The following MAP7 variants were observed in gnomAD, a reference collection of about 807,000 sequenced individuals.
The protein encoded by MAP7 is ensconsin.
MAP7 carries 52 observed loss-of-function variants against 94.8 expected under a neutral mutation model. The ratio of observed to expected loss-of-function variants is 0.55; its 90% CI spans 0.44 to 0.69. The LOEUF (loss-of-function observed/expected upper bound fraction) is 0.69, where lower values mean the gene tolerates loss of function less well. MAP7 is among the 30% of genes least tolerant of loss of function. The pLI, the probability that MAP7 is intolerant of heterozygous loss-of-function variation, is 0.00. For synonymous variants in MAP7, 350 were observed against 357.0 expected (o/e 0.98, Z 0.22); for missense variants, 940 against 964.6 (o/e 0.97, Z 0.34).
intron 3 of MAP7, among the ~76,000 whole-genome samples, chr6:136,402,357 A>T (rs972645775): frequency 6.6e-6 from 1 of 152,238 alleles, no homozygotes; most frequent in Non-Finnish European, 1.5e-5. Context: ...AAGCATAGTG[A>T]TTCACACTGG....
At chr6:136,399,631 G>A (rs549882772) in intron 3 of MAP7, among the ~76,000 whole-genome samples, 23 of 152,226 alleles carry the variant, frequency 1.5e-4, no homozygotes, top group African/African-American at 5.3e-4. Context: ...TGGGATTATA[G>A]GCATGAGCCA....
At chr6:136,385,130 G>C (rs1028240783) in intron 5 of MAP7, among the ~76,000 whole-genome samples, 33 of 152,298 alleles carry the variant, frequency 2.2e-4, no homozygotes, top group African/African-American at 7.7e-4. Flanking sequence ...TTGGCAGTAA[G>C]AAAAAATTGC....
intron 1 of MAP7, among the ~76,000 whole-genome samples, chr6:136,543,429 A>G (rs1829485480): frequency 6.6e-6 from 1 of 152,152 alleles, no homozygotes. Context: ...CGGGTGGATC[A>G]CCTTTGGTCA....
Position 136,474,547 on chromosome 6 carries a change from G to A in MAP7, c.68-52748C>T, listed in dbSNP as rs546323181. Among the ~76,000 whole-genome samples, 8 of 152,284 alleles carry A rather than the reference G, an allele frequency of 5.3e-5. No individual in the cohort carries two copies. In the East Asian group the frequency reaches 1.3e-3, roughly 26 times the overall value. ...GTTGGCTGAGTACTACTACAACAGA[G>A]CGGCCTCAGCGCCAAACAAGTGTGA... On this transcript the variant is annotated intron_variant, in intron 1 of 17. Coordinates refer to ENST00000354570, the MANE Select transcript of MAP7 (RefSeq NM_003980.6).
At chr6:136,415,055 T>C (rs58681521) in intron 2 of MAP7, among the ~76,000 whole-genome samples, 4,683 of 152,124 alleles carry the variant, frequency 0.031, 162 homozygotes, top group African/African-American at 0.083. Flanking sequence ...AGATGATCCA[T>C]CAGCCTCCCA....
At chr6:136,425,441 C>T (rs1349771844) in intron 1 of MAP7, among the ~76,000 whole-genome samples, 1 of 151,976 alleles carries the variant, frequency 6.6e-6, no homozygotes, top group African/African-American at 2.4e-5. Context: ...CATGAAATAG[C>T]CTTTTATGTA....
chr6:136,416,961 TAAAAAA>T (rs991259706), intron 2 of MAP7, among the ~76,000 whole-genome samples: 1 of 151,208 alleles, frequency 6.6e-6, no homozygotes, highest in Non-Finnish European at 1.5e-5. Flanking sequence ...CCACCAAAAA[TAAAAAA>T]AATTAGCCAA....
intron 1 of MAP7, among the ~76,000 whole-genome samples, chr6:136,522,553 A>T (rs1348138206): frequency 6.6e-6 from 1 of 152,178 alleles, no homozygotes; most frequent in Non-Finnish European, 1.5e-5. Flanking sequence ...TCAAATTTAG[A>T]TGGCAAACTT....
intron 1 of MAP7, among the ~76,000 whole-genome samples, chr6:136,462,196 C>T (rs1419502612): frequency 1.3e-5 from 2 of 148,296 alleles, no homozygotes; most frequent in African/African-American, 4.9e-5. Context: ...AGATGGTATA[C>T]CAGTGGTTGC....
intron 1 of MAP7, among the ~76,000 whole-genome samples, chr6:136,496,329 T>A (rs138544220): frequency 7.2e-5 from 11 of 152,282 alleles, no homozygotes; most frequent in African/African-American, 2.6e-4. Flanking sequence ...TCCTCTCACA[T>A]CCCTCATTCC....
intron 1 of MAP7, among the ~76,000 whole-genome samples, chr6:136,485,422 C>A (rs1169700215): frequency 6.6e-6 from 1 of 152,122 alleles, no homozygotes; most frequent in Non-Finnish European, 1.5e-5. Flanking sequence ...GCAGTAAATT[C>A]TCTTTGTAAA....
At position 136,462,329 on chromosome 6, in the gene MAP7, T is replaced by C. The variant is rs550705324; in HGVS notation, c.68-40530A>G. Among the ~76,000 whole-genome samples, 13 of 152,326 alleles carry C rather than the reference T, an allele frequency of 8.5e-5. No individual in the cohort carries two copies. In the East Asian group the frequency reaches 2.3e-3, roughly 27 times the overall value. On this transcript the variant is annotated intron_variant, in intron 1 of 17. Coordinates refer to ENST00000354570, the MANE Select transcript of MAP7 (RefSeq NM_003980.6). ...TATCTTAGACTATAAATGGTAAATC[T>C]CAGAACTTGAGCATTTTTAGGTTGT...
At position 136,466,158 on chromosome 6, in the gene MAP7, AAAT is replaced by A. The variant is rs548743105; in HGVS notation, c.68-44362_68-44360del. Among the ~76,000 whole-genome samples the A allele has an allele frequency of 1.6e-4, 24 of 152,316 alleles. 1 individual carries two copies. The South Asian group carries it at 5.0e-3, about 32-fold the overall frequency. ...GGGGAAAGACATAACTGGGCAGCAC[AAAT>A]AATGTTTCTGATATAAAACAAAACA... On this transcript the variant is annotated intron_variant, in intron 1 of 17. Transcript: ENST00000354570.
intron 1 of MAP7, among the ~76,000 whole-genome samples, chr6:136,479,741 T>A (rs1269869558): frequency 6.6e-6 from 1 of 152,034 alleles, no homozygotes; most frequent in African/African-American, 2.4e-5. Flanking sequence ...AAGAAAGTAA[T>A]CCCATTTACA....
chr6:136,379,708 G>A (rs1777206681), intron 6 of MAP7, among the ~76,000 whole-genome samples: 1 of 152,216 alleles, frequency 6.6e-6, no homozygotes, highest in Non-Finnish European at 1.5e-5. Context: ...TCATGGAAAA[G>A]ATAAGTCTCC....
intron 10 of MAP7, chr6:136,364,187 T>C (rs1310335257): frequency 1.9e-6 from 1 of 513,384 alleles, no homozygotes; most frequent in Non-Finnish European, 3.9e-6. Context: ...TCATTCTGCA[T>C]GAGGGTGAGG....
rs1792395907 is a variant in MAP7, at chr6:136,360,721, C to T, written c.1779G>A (p.Glu593=). 5.6e-6 allele frequency: 9 copies of T among 1,614,076 alleles called. No individual in the cohort carries two copies. Among genetic ancestry groups the T allele is most frequent in the Non-Finnish European group, 7.6e-6 (9 of 1,180,044 alleles). The stretch of plus-strand genomic sequence containing the variant: ...CCTTCTTTCTCTCCAGGCGCTCTTG[C>T]TCTTCTCTCTGGAAATGCTTCTCTC... ...QEREKHFQRE[E]QERLERKKRL... Residue 593 remains glutamate (E), a synonymous_variant, in exon 13 of 18, where the codon GAG becomes GAA. Coordinates refer to ENST00000354570, the MANE Select transcript of MAP7 (RefSeq NM_003980.6).
chr6:136,546,869 A>T (rs1829777852), intron 1 of MAP7, among the ~76,000 whole-genome samples: 1 of 152,210 alleles, frequency 6.6e-6, no homozygotes, highest in Non-Finnish European at 1.5e-5. Context: ...ATGCCAGTGT[A>T]AATAAACTGT....
intron 10 of MAP7, 69 bp from the exon 11 acceptor site, chr6:136,362,771 T>G: frequency 6.6e-7 from 1 of 1,504,388 alleles, no homozygotes; most frequent in Non-Finnish European, 8.8e-7. Context: ...AAAACTAGCA[T>G]TCCCCACATC....
Sources: gnomAD v4.1 joint callset for allele counts (sites outside exome capture counted in the v4.1 genomes callset) on GRCh38, gnomAD v4.1.1 for gene constraint, MANE v1.5 for transcripts, NCBI Gene and HGNC (gene_info 2026-07-23, HGNC 2026-07-21) for gene names.